Variants in MEIOB observed in about 807,000 individuals in gnomAD.
The protein encoded by MEIOB is meiosis-specific with OB domain-containing protein.
In MEIOB, 50 loss-of-function variants were observed where a neutral mutation model predicts 53.1. The ratio of observed to expected loss-of-function variants is 0.94; its 90% CI spans 0.75 to 1.19. The LOEUF (loss-of-function observed/expected upper bound fraction) is 1.19, where lower values mean the gene tolerates loss of function less well. Ranked by LOEUF, MEIOB falls within the 50% of genes most tolerant of loss-of-function variation. The pLI is 0.00. For synonymous variants in MEIOB, 192 were observed against 182.5 expected (o/e 1.05, Z -0.42); for missense variants, 551 against 550.8 (o/e 1.00, Z 0.00).
chr16:1,847,426 C>T (rs1394505296), intron 9 of MEIOB, among the ~76,000 whole-genome samples: 1 of 151,922 alleles, frequency 6.6e-6, no homozygotes, highest in African/African-American at 2.4e-5. Context: ...CATGCCACTG[C>T]ACTCCAGCCT....
At chr16:1,849,473 G>C (rs182273603) in intron 9 of MEIOB, among the ~76,000 whole-genome samples, 1 of 149,880 alleles carries the variant, frequency 6.7e-6, no homozygotes. Context: ...GTGAACCCGG[G>C]AGGCGAAGCT....
chr16:1,863,532 G>A (rs532452784), intron 3 of MEIOB, among the ~76,000 whole-genome samples: 3 of 151,798 alleles, frequency 2.0e-5, no homozygotes, highest in East Asian at 1.9e-4. Flanking sequence ...GACTACAGGC[G>A]CCTGCCACCA....
chr16:1,855,910 C>T (rs538077693), intron 6 of MEIOB, among the ~76,000 whole-genome samples: 1 of 146,320 alleles, frequency 6.8e-6, no homozygotes, highest in Non-Finnish European at 1.5e-5. Context: ...CATGAACTAT[C>T]ATAAGCATGT....
chr16:1,855,124 C>A (rs1252883375), intron 6 of MEIOB, among the ~76,000 whole-genome samples: 2 of 152,170 alleles, frequency 1.3e-5, no homozygotes, highest in Admixed American at 1.3e-4. Flanking sequence ...GAGGAAGAAA[C>A]AACAGGTTAA....
intron 9 of MEIOB, among the ~76,000 whole-genome samples, chr16:1,849,521 G>A (rs1899107224): frequency 7.5e-6 from 1 of 133,812 alleles, no homozygotes; most frequent in African/African-American, 2.9e-5. Flanking sequence ...ACTCCAGCCT[G>A]GGTGACAGAG....
At chr16:1,858,398 C>G (rs960556285) in intron 5 of MEIOB, among the ~76,000 whole-genome samples, 2 of 152,126 alleles carry the variant, frequency 1.3e-5, no homozygotes, top group East Asian at 1.9e-4. Context: ...CTGAGGAGCT[C>G]TCCCTCCTGC....
At chr16:1,846,640 G>A (rs1309807981) in intron 9 of MEIOB, among the ~76,000 whole-genome samples, 1 of 152,184 alleles carries the variant, frequency 6.6e-6, no homozygotes, top group South Asian at 2.1e-4. Flanking sequence ...ATGAGATCAT[G>A]TCCTTTGCAG....
intron 10 of MEIOB, among the ~76,000 whole-genome samples, chr16:1,844,040 G>A (rs188975930): frequency 4.3e-4 from 65 of 150,918 alleles, no homozygotes; most frequent in Non-Finnish European, 7.7e-4. Flanking sequence ...CCTTCTATTA[G>A]TATATATGCA....
chr16:1,871,407 G>A lies in MEIOB; in HGVS notation c.-10+586C>T, dbSNP rs374563612. ...GCTAATTTTTTGTATTTTTAGTAGA[G>A]ACGGGGTTTCACCGTGTTAGCCAGG... On this transcript the variant is annotated intron_variant, in intron 1 of 13. Coordinates refer to ENST00000325962, the MANE Select transcript of MEIOB (RefSeq NM_001163560.3). 2.5e-4 allele frequency among the ~76,000 whole-genome samples: 29 copies of A among 113,842 alleles called. No homozygotes were observed. The South Asian group carries it at 8.8e-3, about 34-fold the overall frequency. 74.7% of individuals were successfully genotyped at this position (113,842 alleles called of 152,430 possible).
intron 9 of MEIOB, among the ~76,000 whole-genome samples, chr16:1,848,898 C>G (rs953144637): frequency 6.6e-6 from 1 of 152,104 alleles, no homozygotes; most frequent in Non-Finnish European, 1.5e-5. Context: ...ATTTCGGGTC[C>G]AGGAATATGA....
At chr16:1,847,731 T>C (rs1899062376) in intron 9 of MEIOB, among the ~76,000 whole-genome samples, 1 of 152,070 alleles carries the variant, frequency 6.6e-6, no homozygotes, top group Non-Finnish European at 1.5e-5. Context: ...CGGGCTGCCC[T>C]TGAGTAGCCT....
In MEIOB at chr16:1,862,094, A is replaced by G; in HGVS notation, c.150T>C (p.Thr50=). The G allele has an allele frequency of 6.4e-7, 1 of 1,551,302 alleles. No individual in the cohort carries two copies. The highest frequency in any genetic ancestry group is 8.7e-7 in the Non-Finnish European group (1 of 1,146,680). ...DRKNIGSERY[T]FSFTIRDSPA... ...GTGAATCCCGAATGGTGAAGCTGAA[A>G]GTGTACCTTTCTGATCCAATATCTA... is the stretch of plus-strand genomic sequence containing the variant. The change falls in exon 4 of 14, where the codon ACT becomes ACC. Residue 50 remains threonine (T), a synonymous_variant. Transcript: ENST00000325962.
intron 12 of MEIOB, among the ~76,000 whole-genome samples, chr16:1,838,691 G>GTT (rs879708755): frequency 6.7e-6 from 1 of 148,406 alleles, no homozygotes; most frequent in African/African-American, 2.5e-5. Flanking sequence ...TTAGTGTTTT[G>GTT]TTTTTTTTTT....
At chr16:1,843,095 C>T (rs1898953316) in intron 10 of MEIOB, among the ~76,000 whole-genome samples, 1 of 150,864 alleles carries the variant, frequency 6.6e-6, no homozygotes, top group South Asian at 2.1e-4. Context: ...GAGATCGCGA[C>T]CATCCTGGCT....
chr16:1,838,258 C>A (rs1252506221), intron 12 of MEIOB: 2 of 413,856 alleles, frequency 4.8e-6, no homozygotes, highest in East Asian at 6.9e-5. Context: ...CCTCAGCCTC[C>A]CAAAGTGGTA....
rs1425470519 is a variant in MEIOB, at chr16:1,834,106, C to T, written c.*150G>A. The T allele has an allele frequency of 1.7e-6, 1 of 578,904 alleles. No homozygotes were observed. Among genetic ancestry groups the T allele is most frequent in the African/African-American group, 1.9e-5 (1 of 52,800 alleles). The allele number at this position is 578,904 out of a possible 1,614,324, so 35.9% of individuals were successfully genotyped here. On this transcript the variant is annotated 3_prime_UTR_variant, in exon 14 of 14. Coordinates refer to ENST00000325962, the MANE Select transcript of MEIOB (RefSeq NM_001163560.3). ...CAGATGAGAGAGGCCTTCAGACTCA[C>T]CCAGACCACCTCCACCATAACAATT...
chr16:1,841,590 T>C (rs1898912866), intron 11 of MEIOB, among the ~76,000 whole-genome samples: 1 of 152,162 alleles, frequency 6.6e-6, no homozygotes, highest in Non-Finnish European at 1.5e-5. Flanking sequence ...TCACATTATA[T>C]CTTTATATGT....
chr16:1,871,521 T>G (rs1173637355), intron 1 of MEIOB, among the ~76,000 whole-genome samples: 2 of 34,202 alleles, frequency 5.8e-5, no homozygotes, highest in Non-Finnish European at 1.4e-4. Flanking sequence ...GCCCGGCCCT[T>G]TTTTTTTTTT....
At chr16:1,842,157 G>T (rs944426220) in intron 10 of MEIOB, among the ~76,000 whole-genome samples, 184 bp from the exon 11 acceptor site, 5 of 151,972 alleles carry the variant, frequency 3.3e-5, no homozygotes, top group Non-Finnish European at 7.4e-5. Context: ...AGGAAAAAAA[G>T]GAAATGAAAT....
Sources: allele counts gnomAD v4.1 joint callset (sites outside exome capture counted in the v4.1 genomes callset), GRCh38; gene constraint gnomAD v4.1.1; transcripts MANE v1.5; gene names NCBI Gene and HGNC (gene_info 2026-07-23, HGNC 2026-07-21).